The following NIM1K variants were observed in gnomAD, a reference collection of about 807,000 sequenced individuals.
NIM1K encodes the protein NIM1 serine/threonine protein kinase.
NIM1K carries 35 observed loss-of-function variants against 37.1 expected under a neutral mutation model. The ratio of observed to expected loss-of-function variants is 0.94; its 90% confidence interval spans 0.72 to 1.25. The LOEUF is 1.25. Ranked by LOEUF, NIM1K falls within the 50% of genes most tolerant of loss-of-function variation. The pLI, the probability that NIM1K is intolerant of heterozygous loss-of-function variation, is 0.00. For synonymous variants in NIM1K, 234 were observed against 206.6 expected (o/e 1.13, Z -1.14); for missense variants, 564 against 548.0 (o/e 1.03, Z -0.29).
At chr5:43,263,950 C>T (rs1179476902) in intron 2 of NIM1K, among the ~76,000 whole-genome samples, 1 of 152,136 alleles carries the variant, frequency 6.6e-6, no homozygotes, top group East Asian at 1.9e-4. Flanking sequence ...TTTCTTAATC[C>T]TGAGTTCTAG....
intron 2 of NIM1K, among the ~76,000 whole-genome samples, chr5:43,274,507 G>A (rs1753309076): frequency 6.6e-6 from 1 of 152,162 alleles, no homozygotes; most frequent in Admixed American, 6.5e-5. Context: ...CACAAAACCA[G>A]GTTTCTGTTT....
chr5:43,266,534 C>T (rs1194407597), intron 2 of NIM1K, among the ~76,000 whole-genome samples: 1 of 152,190 alleles, frequency 6.6e-6, no homozygotes, highest in Non-Finnish European at 1.5e-5. Context: ...CTTCCCTTGG[C>T]TAAGAAAGGG....
At chr5:43,222,027 G>A (rs1752387291) in intron 1 of NIM1K, among the ~76,000 whole-genome samples, 1 of 152,046 alleles carries the variant, frequency 6.6e-6, no homozygotes, top group Non-Finnish European at 1.5e-5. Flanking sequence ...AGGCATGAGA[G>A]TTTCAGTCCC....
At chr5:43,271,603 A>C (rs1223166915) in intron 2 of NIM1K, among the ~76,000 whole-genome samples, 4 of 152,216 alleles carry the variant, frequency 2.6e-5, no homozygotes, top group Non-Finnish European at 4.4e-5. Context: ...ACAAACTTGC[A>C]TCTTGCAAAA....
At chr5:43,256,128 G>T (rs568774924) in intron 2 of NIM1K, among the ~76,000 whole-genome samples, 1 of 152,262 alleles carries the variant, frequency 6.6e-6, no homozygotes, top group Non-Finnish European at 1.5e-5. Context: ...GATTTCACAG[G>T]AGCCATCAGA....
intron 2 of NIM1K, among the ~76,000 whole-genome samples, chr5:43,258,988 T>C (rs1344375666): frequency 6.6e-6 from 1 of 151,074 alleles, no homozygotes; most frequent in Non-Finnish European, 1.5e-5. Flanking sequence ...AAACTCTCAT[T>C]TCTAAGTAAG....
chr5:43,279,844 G>A, intron 3 of NIM1K, 136 bp from the exon 4 acceptor site: 1 of 716,766 alleles, frequency 1.4e-6, no homozygotes, highest in Non-Finnish European at 2.3e-6. Flanking sequence ...GACAGGGTTT[G>A]CTATCATGAC....
At chr5:43,254,524 A>G (rs1459241014) in intron 2 of NIM1K, among the ~76,000 whole-genome samples, 1 of 152,214 alleles carries the variant, frequency 6.6e-6, no homozygotes, top group Non-Finnish European at 1.5e-5. Flanking sequence ...TGTGTGTTAT[A>G]AATAATAAAC....
At position 43,204,081 on chromosome 5, in the gene NIM1K, GTTTT is replaced by G. The variant is rs70994605; in HGVS notation, c.-695+11688_-695+11691del. Among the ~76,000 whole-genome samples, 16 of 85,368 alleles carry G rather than the reference GTTTT, an allele frequency of 1.9e-4. No individual in the cohort carries two copies. The Admixed American group carries it at 2.9e-3, about 16-fold the overall frequency. The allele number at this position is 85,368 out of a possible 152,430, so 56.0% of individuals were successfully genotyped here. On this transcript the variant is annotated intron_variant, in intron 1 of 3. Transcript: ENST00000326035. ...TTTACTATCACTGATAGTTCCAATG[GTTTT>G]TTTTTTTTTTTTTTTTTGAGACGGA...
At chr5:43,214,419 C>T (rs1752268081) in intron 1 of NIM1K, among the ~76,000 whole-genome samples, 1 of 152,156 alleles carries the variant, frequency 6.6e-6, no homozygotes, top group Non-Finnish European at 1.5e-5. Flanking sequence ...AACAACTGGG[C>T]CTTCATTTGT....
At chr5:43,206,719 A>G in intron 1 of NIM1K, 1 of 721,502 alleles carries the variant, frequency 1.4e-6, no homozygotes, top group Non-Finnish European at 2.6e-6. Context: ...CTAAGGCAGC[A>G]GCACAGCACA....
At chr5:43,238,769 G>C (rs1040268157) in intron 1 of NIM1K, among the ~76,000 whole-genome samples, 1 of 151,780 alleles carries the variant, frequency 6.6e-6, no homozygotes, top group African/African-American at 2.4e-5. Context: ...CTATCCAAAA[G>C]AGGAGTAGCC....
chr5:43,237,374 C>T lies in NIM1K; in HGVS notation c.-694-7708C>T, dbSNP rs142605657. ...AGCTAATAATTAAGGACCATTCTAC[C>T]TGCTCCAGAGGCTTTGATCTGCAGT... On this transcript the variant is annotated intron_variant, in intron 1 of 3. Transcript: ENST00000326035. Among the ~76,000 whole-genome samples, 245 of 152,306 alleles carry T rather than the reference C, an allele frequency of 1.6e-3. 2 individuals carry two copies. Among genetic ancestry groups the T allele is most frequent in the Non-Finnish European group, 2.3e-3 (157 of 68,030 alleles).
intron 2 of NIM1K, 106 bp from the exon 3 acceptor site, chr5:43,276,951 A>G: frequency 1.8e-6 from 2 of 1,121,912 alleles, no homozygotes; most frequent in Admixed American, 2.1e-5. Context: ...CAGCTTGGGA[A>G]CAGCCACTCT....
At chr5:43,215,755 C>A (rs536518576) in intron 1 of NIM1K, among the ~76,000 whole-genome samples, 1 of 152,224 alleles carries the variant, frequency 6.6e-6, no homozygotes, top group East Asian at 1.9e-4. Context: ...TTTTAACAAG[C>A]AGTTTACTTT....
In NIM1K at chr5:43,245,560, G is replaced by A; in HGVS notation, c.-216G>A. 1 of 472,948 alleles carries A rather than the reference G, an allele frequency of 2.1e-6. No homozygotes were observed. The allele number at this position is 472,948 out of a possible 1,614,324, so 29.3% of individuals were successfully genotyped here. ...GGAAGGTGGGAAATGTCTTGAGTGAGGCGAGCAGCTCCTGGCTGGGCTGGG... is the reference window on the plus strand; with the variant it reads ...GGAAGGTGGGAAATGTCTTGAGTGAAGCGAGCAGCTCCTGGCTGGGCTGGG... On this transcript the variant is annotated 5_prime_UTR_variant, in exon 2 of 4. Transcript: ENST00000326035.
chr5:43,253,628 A>AT (rs1441631873), intron 2 of NIM1K, among the ~76,000 whole-genome samples: 4 of 151,076 alleles, frequency 2.6e-5, no homozygotes, highest in African/African-American at 9.7e-5. Flanking sequence ...GCATATCTGG[A>AT]TTTTGTCATT....
intron 1 of NIM1K, among the ~76,000 whole-genome samples, chr5:43,213,388 G>A (rs543797740): frequency 6.6e-4 from 98 of 149,396 alleles, no homozygotes; most frequent in African/African-American, 2.3e-3. Flanking sequence ...GGAGCGCAGC[G>A]GCACGATCTT....
chr5:43,279,879 T>C, intron 3 of NIM1K, 101 bp from the exon 4 acceptor site: 1 of 960,812 alleles, frequency 1.0e-6, no homozygotes, highest in Non-Finnish European at 1.6e-6. Flanking sequence ...ACTGAATTTG[T>C]TATTCCACCA....
Sources: gnomAD v4.1 joint callset for allele counts (sites outside exome capture counted in the v4.1 genomes callset) on GRCh38, gnomAD v4.1.1 for gene constraint, MANE v1.5 for transcripts, NCBI Gene and HGNC (gene_info 2026-07-23, HGNC 2026-07-21) for gene names.